LRP1B: variants seen among roughly 807,000 people sequenced by gnomAD.
The protein encoded by LRP1B is low-density lipoprotein receptor-related protein 1B.
Under a neutral mutation model 556.6 loss-of-function variants are expected in LRP1B, and 217 were observed. The ratio of observed to expected loss-of-function variants is 0.39; its 90% CI spans 0.35 to 0.44. The LOEUF is 0.44. Ranked by LOEUF, LRP1B falls within the 20% of genes least tolerant of loss-of-function variation. The pLI is 1.00. For missense variants in LRP1B, 5,053 were observed against 5,620.8 expected (o/e 0.90, Z 3.23); for synonymous variants, 2,047 against 1,865.8 (o/e 1.10, Z -2.50).
intron 22 of LRP1B, among the ~76,000 whole-genome samples, chr2:140,904,302 T>C (rs922490824): frequency 6.6e-6 from 1 of 152,082 alleles, no homozygotes; most frequent in Non-Finnish European, 1.5e-5. Flanking sequence ...TGTGTACCAT[T>C]AGGTACATAG....
Position 141,904,387 on chromosome 2 carries a change from T to A in LRP1B, c.83-93986A>T, listed in dbSNP as rs114090943. The stretch of plus-strand genomic sequence containing the variant: ...TGTGAGGCAAGAGGGTAGGGAAGAA[T>A]CAAGGATATATCTTAGGCCTTATCC... On this transcript the variant is annotated intron_variant, in intron 1 of 90. Transcript: ENST00000389484. Among the ~76,000 whole-genome samples the A allele has an allele frequency of 8.7e-3, 1,318 of 151,926 alleles. 17 individuals carry two copies. Among genetic ancestry groups the A allele is most frequent in the African/African-American group, 0.03 (1,236 of 41,496 alleles).
At chr2:141,810,868 T>A (rs1474337387) in intron 1 of LRP1B, among the ~76,000 whole-genome samples, 1 of 152,044 alleles carries the variant, frequency 6.6e-6, no homozygotes, top group Non-Finnish European at 1.5e-5. Flanking sequence ...TAACCATCCA[T>A]CCTGATACTG....
intron 43 of LRP1B, among the ~76,000 whole-genome samples, chr2:140,559,951 A>G (rs201824805): frequency 6.6e-6 from 1 of 152,180 alleles, no homozygotes; most frequent in East Asian, 1.9e-4. Context: ...AATGAGGATT[A>G]CAATATTTAC....
intron 2 of LRP1B, among the ~76,000 whole-genome samples, chr2:141,637,053 G>A (rs751389815): frequency 2.0e-5 from 3 of 152,006 alleles, no homozygotes; most frequent in Non-Finnish European, 4.4e-5. Context: ...ATTTTTTCTC[G>A]AGAATATATT....
chr2:140,445,337 G>A (rs370301779), intron 63 of LRP1B, among the ~76,000 whole-genome samples: 39 of 151,976 alleles, frequency 2.6e-4, no homozygotes, highest in African/African-American at 7.7e-4. Context: ...GGCTGGTCTC[G>A]AACTCCGGAC....
intron 66 of LRP1B, among the ~76,000 whole-genome samples, chr2:140,441,652 C>T (rs1283975735): frequency 1.3e-5 from 2 of 152,186 alleles, no homozygotes; most frequent in African/African-American, 4.8e-5. Flanking sequence ...AATGAAAGTA[C>T]TCTGGAATCT....
intron 13 of LRP1B, among the ~76,000 whole-genome samples, chr2:141,014,204 CA>C (rs1214796284): frequency 1.3e-5 from 2 of 151,972 alleles, no homozygotes; most frequent in Admixed American, 6.6e-5. Context: ...CATTGGGAGT[CA>C]AAAGGATCCT....
intron 43 of LRP1B, among the ~76,000 whole-genome samples, chr2:140,543,991 T>A (rs567782483): frequency 3.9e-5 from 6 of 151,930 alleles, no homozygotes; most frequent in Non-Finnish European, 8.8e-5. Flanking sequence ...CTATAAAACA[T>A]TGCTAAGAGA....
chr2:141,148,938 T>A (rs911802252), intron 7 of LRP1B, among the ~76,000 whole-genome samples: 1 of 151,948 alleles, frequency 6.6e-6, no homozygotes, highest in African/African-American at 2.4e-5. Flanking sequence ...ACAAAAAAGT[T>A]AGCTGGGCAT....
intron 2 of LRP1B, among the ~76,000 whole-genome samples, chr2:141,493,720 C>T (rs926871279): frequency 1.3e-5 from 2 of 152,048 alleles, no homozygotes; most frequent in Non-Finnish European, 2.9e-5. Context: ...GGGTAGCAGC[C>T]GTTTAAAATC....
chr2:141,863,369 T>C (rs1698311804), intron 1 of LRP1B, among the ~76,000 whole-genome samples: 1 of 152,194 alleles, frequency 6.6e-6, no homozygotes, highest in Admixed American at 6.5e-5. Context: ...ACATCATTTC[T>C]GATTAAGTGA....
rs547272485 is a variant in LRP1B, at chr2:141,084,075, G to T, written c.1014-21802C>A. Among the ~76,000 whole-genome samples the T allele has an allele frequency of 1.6e-3, 244 of 152,280 alleles. 2 individuals carry two copies. Among genetic ancestry groups the T allele is most frequent in the South Asian group, 0.011 (54 of 4,826 alleles). On this transcript the variant is annotated intron_variant, in intron 7 of 90. Transcript: ENST00000389484. ...AATACTTTTATACGGTTGGTGTGAG[G>T]ATTAAACAAGTAAATAGATAAGCAG...
chr2:142,058,727 T>G (rs1704780340), intron 1 of LRP1B, among the ~76,000 whole-genome samples: 1 of 152,080 alleles, frequency 6.6e-6, no homozygotes, highest in Non-Finnish European at 1.5e-5. Flanking sequence ...ACGTACTTGG[T>G]GTTCAGCACA....
intron 1 of LRP1B, among the ~76,000 whole-genome samples, chr2:142,005,254 A>G (rs1457077665): frequency 1.3e-5 from 2 of 151,896 alleles, no homozygotes; most frequent in African/African-American, 4.8e-5. Flanking sequence ...GGCACATTCA[A>G]TAAGGATTAA....
At chr2:140,316,806 TAC>T (rs2105040923) in intron 82 of LRP1B, among the ~76,000 whole-genome samples, 1 of 152,218 alleles carries the variant, frequency 6.6e-6, no homozygotes, top group Non-Finnish European at 1.5e-5. Flanking sequence ...GTATGTACCA[TAC>T]ACACATATAC....
chr2:141,721,503 T>C (rs1441233839), intron 2 of LRP1B, among the ~76,000 whole-genome samples: 2 of 152,182 alleles, frequency 1.3e-5, no homozygotes, highest in African/African-American at 2.4e-5. Context: ...CATATTTTCA[T>C]TGATTTCTAC....
intron 3 of LRP1B, among the ~76,000 whole-genome samples, chr2:141,291,445 T>A (rs1171603739): frequency 6.6e-6 from 1 of 152,194 alleles, no homozygotes; most frequent in East Asian, 1.9e-4. Flanking sequence ...TTGCTACCAA[T>A]GTTCTCTAGC....
At chr2:140,291,312 A>AT in intron 84 of LRP1B, among the ~76,000 whole-genome samples, 1 of 63,414 alleles carries the variant, frequency 1.6e-5, no homozygotes, top group East Asian at 3.7e-4. Context: ...ATATATATAT[A>AT]TATATATTTT....
chr2:140,623,606 G>A (rs1683536033), intron 41 of LRP1B, among the ~76,000 whole-genome samples: 1 of 151,946 alleles, frequency 6.6e-6, no homozygotes, highest in African/African-American at 2.4e-5. Flanking sequence ...AGAACCTATG[G>A]TTTTATTTTG....
Sources: gnomAD v4.1 joint callset for allele counts (sites outside exome capture counted in the v4.1 genomes callset) on GRCh38, gnomAD v4.1.1 for gene constraint, MANE v1.5 for transcripts, NCBI Gene and HGNC (gene_info 2026-07-23, HGNC 2026-07-21) for gene names.